The following URGCP variants were observed in gnomAD, a reference collection of about 807,000 sequenced individuals.
URGCP encodes upregulator of cell proliferation.
A neutral mutation model predicts 24.6 loss-of-function variants in URGCP; 13 were observed. The ratio of observed to expected loss-of-function variants is 0.53; its 90% CI spans 0.34 to 0.84. URGCP has a LOEUF of 0.84. Among genes scored for constraint, URGCP ranks in the 40% least tolerant of loss-of-function variants. The pLI, the probability that URGCP is intolerant of heterozygous loss-of-function variation, is 0.01. For missense variants in URGCP, 899 were observed against 1,194.3 expected (o/e 0.75, Z 3.64); for synonymous variants, 444 against 487.2 (o/e 0.91, Z 1.17).
chr7:43,912,712 T>C (rs750678487), intron 1 of URGCP, among the ~76,000 whole-genome samples: 2 of 152,196 alleles, frequency 1.3e-5, no homozygotes, highest in Non-Finnish European at 1.5e-5. Context: ...ACATAGGATG[T>C]CTTTCCTTTT....
chr7:43,911,970 G>A (rs958133106), intron 1 of URGCP, among the ~76,000 whole-genome samples: 10 of 150,990 alleles, frequency 6.6e-5, no homozygotes, highest in Non-Finnish European at 1.0e-4. Flanking sequence ...AGCAACCAAT[G>A]GACCAAAAGA....
chr7:43,889,732 A>T (rs2095867505), intron 1 of URGCP: 1 of 152,282 alleles, frequency 6.6e-6, no homozygotes, highest in Admixed American at 6.5e-5. Flanking sequence ...GCACGCCCCA[A>T]TTTGCTCCCT....
rs187456894 is a variant in URGCP, at chr7:43,922,898, T to G, written c.-116+3234A>C. ...ACCAGGCATTTTTTTTTCTTTCTCT[T>G]TCTTTCTTTCTTTCTCTTTCTTTCC... On this transcript the variant is annotated intron_variant, in intron 1 of 5. Transcript: ENST00000426198. 6.2e-4 allele frequency among the ~76,000 whole-genome samples: 93 copies of G among 151,134 alleles called. 1 individual carries two copies. The highest frequency in any genetic ancestry group is 5.0e-4 in the Non-Finnish European group (34 of 67,438).
upstream of URGCP, among the ~76,000 whole-genome samples, chr7:43,910,521 G>A (rs563434532): frequency 1.3e-5 from 2 of 149,512 alleles, no homozygotes; most frequent in East Asian, 2.0e-4. Flanking sequence ...GAGCCACCAT[G>A]CCTGGTCCCA....
At chr7:43,911,930 C>T (rs1344213745) in intron 1 of URGCP, among the ~76,000 whole-genome samples, 12 of 151,270 alleles carry the variant, frequency 7.9e-5, no homozygotes, top group African/African-American at 2.9e-4. Context: ...AGAAAATTGA[C>T]AAATGTGTGG....
Position 43,876,883 on chromosome 7 carries a change from C to G in URGCP, c.2580G>C (p.Arg860=). Residue 860 remains arginine (R), a synonymous_variant, in exon 6 of 6, where the codon CGG becomes CGC. Transcript: ENST00000453200. ...CGCAGAAGGCCAGGCCTGCCAGTGC[C>G]CGGAAGCCGTCGCCCTGTTTCTCCA... ...AQMEKQGDGF[R]ALAGLAFCDP... is the part of the protein sequence containing the mutation. 6.2e-7 allele frequency: 1 copy of G among 1,614,036 alleles called. No homozygotes were observed. The highest frequency in any genetic ancestry group is 8.5e-7 in the Non-Finnish European group (1 of 1,180,020).
At position 43,877,932 on chromosome 7, in the gene URGCP, A is replaced by T; in HGVS notation, c.1531T>A (p.Phe511Ile). The T allele has an allele frequency of 6.2e-7, 1 of 1,613,788 alleles. No homozygotes were observed. Among genetic ancestry groups the T allele is most frequent in the Non-Finnish European group, 8.5e-7 (1 of 1,179,936 alleles). The change falls in exon 6 of 6, where the codon TTC (phenylalanine) becomes ATC (isoleucine). Residue 511 changes from phenylalanine to isoleucine, a missense_variant. By Grantham distance (21) the Phe-to-Ile change is conservative. Transcript: ENST00000453200. ...WRKAAQVEKE[F>I]CQLQWAVDPP... ...TCCACGGCCCACTGGAGCTGGCAGA[A>T]CTCCTTCTCCACTTGGGCTGCCTTT...
At chr7:43,903,200 T>C (rs1299139984) in intron 1 of URGCP, among the ~76,000 whole-genome samples, 2 of 151,382 alleles carry the variant, frequency 1.3e-5, no homozygotes, top group African/African-American at 4.9e-5. Flanking sequence ...AAAACAAATG[T>C]ATGTGGATCT....
At chr7:43,903,686 C>G (rs1000949515) in intron 1 of URGCP, among the ~76,000 whole-genome samples, 2 of 152,134 alleles carry the variant, frequency 1.3e-5, no homozygotes, top group Admixed American at 6.5e-5. Context: ...TTGAAAGCTA[C>G]AGACCTTGTG....
rs1239137953 is a variant in URGCP, at chr7:43,878,895, G to A, written c.568C>T (p.Leu190=). The A allele has an allele frequency of 1.2e-6, 2 of 1,614,232 alleles. No individual in the cohort carries two copies. The highest frequency in any genetic ancestry group is 1.7e-5 in the Admixed American group (1 of 60,034). ...AGGAAACTGTCTGAGGAGAGCAGCA[G>A]GGCACAGAGAAGGTCTAAGGGGTTC... The part of the protein sequence containing the change: ...PVNPLDLLCA[L]LLSSDSFLQQ... The change falls in exon 6 of 6, where the codon CTG becomes TTG. Residue 190 remains leucine (L), a synonymous_variant. Coordinates refer to ENST00000453200, the MANE Select transcript of URGCP (RefSeq NM_001077663.3). The surrounding 1 kb of genome is among the most constrained non-coding windows in gnomAD (Gnocchi z 5.6).
intron 1 of URGCP, among the ~76,000 whole-genome samples, chr7:43,912,436 T>C (rs1585836518): frequency 6.6e-6 from 1 of 152,156 alleles, no homozygotes; most frequent in African/African-American, 2.4e-5. Context: ...GAGATGGAGG[T>C]TGCAGTGAGC....
chr7:43,911,524 C>T (rs924134339), upstream of URGCP, among the ~76,000 whole-genome samples: 3 of 151,918 alleles, frequency 2.0e-5, no homozygotes, highest in African/African-American at 7.3e-5. Flanking sequence ...GGTGAAACCC[C>T]GTCTCTACTA....
chr7:43,893,681 G>A (rs1387196255), intron 1 of URGCP, among the ~76,000 whole-genome samples: 5 of 152,218 alleles, frequency 3.3e-5, no homozygotes, highest in Admixed American at 3.3e-4. Flanking sequence ...GACCAGCCTG[G>A]CCAACATGGT....
chr7:43,919,838 C>T lies in URGCP; in HGVS notation c.-116+6294G>A, dbSNP rs749883702. 16 of 1,272,906 alleles carry T rather than the reference C, an allele frequency of 1.3e-5. No homozygotes were observed. In the Admixed American group the frequency reaches 2.7e-4, roughly 21 times the overall value. 78.9% of individuals were successfully genotyped at this position (1,272,906 alleles called of 1,614,324 possible). A position where few individuals can be genotyped will look rare whatever the true frequency, so the allele number is the denominator to read the frequency against. On this transcript the variant is annotated intron_variant, in intron 1 of 5. Coordinates refer to the URGCP transcript ENST00000426198. ...GGGTCAGTGGGCGCATGATGGCCAACCACACCAGCATCTCCTCACTCTTCT... is the reference window on the plus strand; with the variant it reads ...GGGTCAGTGGGCGCATGATGGCCAATCACACCAGCATCTCCTCACTCTTCT...
intron 1 of URGCP, among the ~76,000 whole-genome samples, chr7:43,922,336 A>G (rs975133934): frequency 2.6e-5 from 4 of 152,198 alleles, no homozygotes; most frequent in Non-Finnish European, 5.9e-5. Context: ...TGCTAGGATT[A>G]CAGGTGTGAG....
At chr7:43,888,902 C>T (rs778120680) in intron 1 of URGCP, 3 of 152,330 alleles carry the variant, frequency 2.0e-5, no homozygotes, top group Non-Finnish European at 2.9e-5. Context: ...CTTGGAGATC[C>T]TGAATGATGG....
chr7:43,890,018 C>T (rs1240348949), intron 1 of URGCP, among the ~76,000 whole-genome samples: 5 of 151,692 alleles, frequency 3.3e-5, no homozygotes, highest in Non-Finnish European at 7.4e-5. Context: ...AATTCTCCTG[C>T]CTCAGCCTCC....
At chr7:43,903,782 A>T (rs1050430897) in intron 1 of URGCP, among the ~76,000 whole-genome samples, 4 of 152,288 alleles carry the variant, frequency 2.6e-5, no homozygotes, top group African/African-American at 9.6e-5. Context: ...TGAATCATGG[A>T]GCCTAAGTTA....
At chr7:43,899,202 A>G (rs896196696) in intron 1 of URGCP, among the ~76,000 whole-genome samples, 1 of 147,666 alleles carries the variant, frequency 6.8e-6, no homozygotes, top group African/African-American at 2.5e-5. Context: ...ATGCCTTATT[A>G]TAATACAAAT....
Sources: allele counts gnomAD v4.1 joint callset (sites outside exome capture counted in the v4.1 genomes callset), GRCh38; gene constraint gnomAD v4.1.1; non-coding constraint Gnocchi (gnomAD v3.1); transcripts MANE v1.5; gene names NCBI Gene and HGNC (gene_info 2026-07-23, HGNC 2026-07-21).